The following RNF24 variants were observed in gnomAD, a reference collection of about 807,000 sequenced individuals.
The protein encoded by RNF24 is ring finger protein 24.
In RNF24, 14 loss-of-function variants were observed where a neutral mutation model predicts 20.0. The observed-to-expected ratio is 0.70, with a 90% CI of 0.46 to 1.10. The LOEUF is 1.10. RNF24 is among the 50% of genes least tolerant of loss of function. The probability of loss-of-function intolerance (pLI) is 0.00; values close to 1 mark genes in which losing one functional copy is unlikely to be tolerated. For synonymous variants in RNF24, 45 were observed against 61.1 expected (o/e 0.74, Z 1.23); for missense variants, 124 against 177.6 (o/e 0.70, Z 1.71).
rs1363747772 is a variant in RNF24 at position 3,929,843 on chromosome 20, A to G, written c.*4220T>C. The G allele has an allele frequency of 6.6e-6, 1 of 152,256 alleles. No individual in the cohort carries two copies. The highest frequency in any genetic ancestry group is 1.5e-5 in the Non-Finnish European group (1 of 68,044). The allele number at this position is 152,256 out of a possible 1,614,324, so 9.4% of individuals were successfully genotyped here. A position where few individuals can be genotyped will look rare whatever the true frequency, so the allele number is the denominator to read the frequency against. On this transcript the variant is annotated 3_prime_UTR_variant, in exon 6 of 6. Transcript: ENST00000358395. ...CAGATTCTGATTTGTACAGAAAACTAAAATTTCAGTATGTTGCAATAAAAT... is the reference window on the plus strand; with the variant it reads ...CAGATTCTGATTTGTACAGAAAACTGAAATTTCAGTATGTTGCAATAAAAT...
chr20:3,933,886 G>A lies in RNF24; in HGVS notation c.*177C>T. ...CAGGGGGTAGTGTCAAAGTGCTTTG[G>A]TTGTCACAAGACCCAGACACCTAGG... On this transcript the variant is annotated 3_prime_UTR_variant, in exon 6 of 6. Transcript: ENST00000358395. The A allele has an allele frequency of 2.1e-6, 1 of 479,876 alleles. No homozygotes were observed. The highest frequency in any genetic ancestry group is 3.5e-6 in the Non-Finnish European group (1 of 289,138). The allele number at this position is 479,876 out of a possible 1,614,324, so 29.7% of individuals were successfully genotyped here. A position where few individuals can be genotyped will look rare whatever the true frequency, so the allele number is the denominator to read the frequency against.
rs939584018 is a variant in RNF24, at chr20:3,987,210, A to G, written c.-7-23186T>C. 8.2e-4 allele frequency among the ~76,000 whole-genome samples: 125 copies of G among 152,356 alleles called. 3 individuals are homozygous for G. Among genetic ancestry groups the G allele is most frequent in the Non-Finnish European group, 1.6e-4 (11 of 68,036 alleles). On this transcript the variant is annotated intron_variant, in intron 1 of 5. Coordinates refer to ENST00000358395, the MANE Select transcript of RNF24 (RefSeq NM_001134337.3). The stretch of plus-strand genomic sequence containing the variant: ...ACAACACAGAGTGATGCAGAGACAG[A>G]AGGAGGATGAAATAGAAGACAAGTT...
chr20:4,014,827 G>GAACC (rs1231459506), intron 1 of RNF24, among the ~76,000 whole-genome samples: 1 of 151,458 alleles, frequency 6.6e-6, no homozygotes, highest in Non-Finnish European at 1.5e-5. Context: ...CCGGCCTGTG[G>GAACC]AACCACACAC....
chr20:4,013,723 G>A (rs2122180904), intron 1 of RNF24, among the ~76,000 whole-genome samples: 1 of 152,224 alleles, frequency 6.6e-6, no homozygotes, highest in South Asian at 2.1e-4. Context: ...GACCTCTGGT[G>A]ATCCACCCAC....
Position 4,004,126 on chromosome 20 carries a change from C to CTA in RNF24, c.-8+11309_-8+11310dup, listed in dbSNP as rs1981652040. Among the ~76,000 whole-genome samples the CTA allele has an allele frequency of 2.0e-5, 3 of 152,256 alleles. No homozygotes were observed. In the South Asian group the frequency reaches 6.2e-4, roughly 32 times the overall value. ...AGTTATCGTTCCTGAAGATGACTCC[C>CTA]TATCTTTTTTCTTGATACTTCCACT... is the stretch of plus-strand genomic sequence containing the variant. On this transcript the variant is annotated intron_variant, in intron 1 of 5. Transcript: ENST00000358395.
At chr20:4,008,485 A>G (rs1355079474) in intron 1 of RNF24, among the ~76,000 whole-genome samples, 1 of 77,634 alleles carries the variant, frequency 1.3e-5, no homozygotes, top group East Asian at 2.7e-4. Context: ...AATATATAAT[A>G]TAATATAATA....
intron 1 of RNF24, among the ~76,000 whole-genome samples, chr20:3,975,494 CA>C (rs751545052): frequency 6.6e-6 from 1 of 152,034 alleles, no homozygotes; most frequent in African/African-American, 2.4e-5. Flanking sequence ...AAAATATTTG[CA>C]AACCGTATGC....
chr20:3,974,421 GA>G, intron 1 of RNF24: 1 of 1,534,342 alleles, frequency 6.5e-7, no homozygotes. Context: ...CAATAAGGTA[GA>G]AAAGGGAATA....
chr20:4,000,817 G>A (rs1285195044), intron 1 of RNF24, among the ~76,000 whole-genome samples: 5 of 152,190 alleles, frequency 3.3e-5, no homozygotes, highest in Admixed American at 2.0e-4. Flanking sequence ...AATATTCAAT[G>A]ATAATTATCC....
At chr20:3,940,994 C>A (rs1031675607) in intron 4 of RNF24, among the ~76,000 whole-genome samples, 1 of 152,070 alleles carries the variant, frequency 6.6e-6, no homozygotes, top group Non-Finnish European at 1.5e-5. Context: ...TGGTAAAAAC[C>A]TGGATTAATA....
intron 1 of RNF24, among the ~76,000 whole-genome samples, chr20:3,974,728 A>G (rs923285643): frequency 7.2e-5 from 11 of 152,204 alleles, no homozygotes; most frequent in African/African-American, 2.7e-4. Context: ...TATATGCTAA[A>G]AATGACAAAA....
Position 3,932,710 on chromosome 20 carries a change from A to C in RNF24, c.*1353T>G. On this transcript the variant is annotated 3_prime_UTR_variant, in exon 6 of 6. Transcript: ENST00000358395. ...AGTGGAGCAAAGCAGTTGACGAGGAATTGAGGCAGGCGCTCCTAAGATGGA... is the reference window on the plus strand; with the variant it reads ...AGTGGAGCAAAGCAGTTGACGAGGACTTGAGGCAGGCGCTCCTAAGATGGA... 5.2e-6 allele frequency: 2 copies of C among 385,392 alleles called. No individual in the cohort carries two copies. Among genetic ancestry groups the C allele is most frequent in the African/African-American group, 2.1e-5 (1 of 48,464 alleles). 23.9% of individuals were successfully genotyped at this position (385,392 alleles called of 1,614,324 possible).
chr20:3,966,469 AGTGTGTGTGTGTGTGTGT>A (rs72006955), intron 1 of RNF24, among the ~76,000 whole-genome samples: 1 of 129,232 alleles, frequency 7.7e-6, no homozygotes, highest in East Asian at 2.1e-4. Flanking sequence ...TTAAGGCTTT[AGTGTGTGTGTGTGTGTGT>A]GTGTGTGTGT....
chr20:3,981,172 TAAAAG>T lies in RNF24; in HGVS notation c.-7-17153_-7-17149del, dbSNP rs752016924. ...ATATTTCTACCTCTATCAAAAAAAA[TAAAAG>T]AAAAGAAATTGATGGTTTCATGATT... is the stretch of plus-strand genomic sequence containing the variant. On this transcript the variant is annotated intron_variant, in intron 1 of 5. Transcript: ENST00000358395. Among the ~76,000 whole-genome samples the T allele has an allele frequency of 2.4e-4, 36 of 151,988 alleles. 1 individual carries two copies. Among genetic ancestry groups the T allele is most frequent in the Non-Finnish European group, 1.5e-5 (1 of 67,984 alleles).
At chr20:3,947,478 G>A (rs1476568932) in intron 3 of RNF24, among the ~76,000 whole-genome samples, 3 of 152,192 alleles carry the variant, frequency 2.0e-5, no homozygotes, top group African/African-American at 4.8e-5. Context: ...CAAGTTTGCA[G>A]ACTTCTAGTG....
At chr20:3,990,875 C>T (rs1449221748) in intron 1 of RNF24, among the ~76,000 whole-genome samples, 6 of 150,550 alleles carry the variant, frequency 4.0e-5, no homozygotes, top group Admixed American at 4.0e-4. Context: ...GATCCTGTCT[C>T]TAAAAATTAA....
chr20:3,986,649 A>AT lies in RNF24; in HGVS notation c.-7-22626dup, dbSNP rs36005352. On this transcript the variant is annotated intron_variant, in intron 1 of 5. Transcript: ENST00000358395. ...CAGGCATGAGTGTGCATGCAGTATA[A>AT]TTTTTTTTTTTTTTTTGAGACAGAG... 4.6e-3 allele frequency among the ~76,000 whole-genome samples: 639 copies of AT among 138,880 alleles called. 1 individual carries two copies. The highest frequency in any genetic ancestry group is 8.6e-3 in the East Asian group (41 of 4,780). The allele number at this position is 138,880 out of a possible 152,430, so 91.1% of individuals were successfully genotyped here. A position where few individuals can be genotyped will look rare whatever the true frequency, so the allele number is the denominator to read the frequency against.
In RNF24 at chr20:3,928,111, G is replaced by A. The variant is rs942270813; in HGVS notation, c.*5952C>T. On this transcript the variant is annotated 3_prime_UTR_variant, in exon 6 of 6. Coordinates refer to ENST00000358395, the MANE Select transcript of RNF24 (RefSeq NM_001134337.3). ...ACCAGCATTTTCCAGTTATCAACTG[G>A]ATATTTAGGCATGAATCTGGACATG... 14 of 152,104 alleles carry A rather than the reference G, an allele frequency of 9.2e-5. No individual in the cohort carries two copies. Among genetic ancestry groups the A allele is most frequent in the African/African-American group, 2.4e-4 (10 of 41,408 alleles). 9.4% of individuals were successfully genotyped at this position (152,104 alleles called of 1,614,324 possible). A position where few individuals can be genotyped will look rare whatever the true frequency, so the allele number is the denominator to read the frequency against.
At chr20:3,973,500 C>CAAAAAAAAAA (rs56824542) in intron 1 of RNF24, among the ~76,000 whole-genome samples, 9 of 101,122 alleles carry the variant, frequency 8.9e-5, no homozygotes, top group African/African-American at 1.9e-4. Context: ...GGAAGAATGA[C>CAAAAAAAAAA]AAAAAAAAAA....
Sources: gnomAD v4.1 joint callset for allele counts (sites outside exome capture counted in the v4.1 genomes callset) on GRCh38, gnomAD v4.1.1 for gene constraint, MANE v1.5 for transcripts, NCBI Gene and HGNC (gene_info 2026-07-23, HGNC 2026-07-21) for gene names.